The following NSG1 variants were observed in gnomAD, a reference collection of about 807,000 sequenced individuals.
The protein encoded by NSG1 is neuronal vesicle trafficking-associated protein 1.
NSG1 carries 9 observed loss-of-function variants against 19.3 expected under a neutral mutation model. The observed-to-expected ratio is 0.47, with a 90% CI of 0.28 to 0.81. The LOEUF is 0.81. Ranked by LOEUF, NSG1 falls within the 40% of genes least tolerant of loss-of-function variation. The pLI is 0.11. For missense variants in NSG1, 236 were observed against 242.4 expected (o/e 0.97, Z 0.18); for synonymous variants, 104 against 107.0 (o/e 0.97, Z 0.17).
At chr4:4,416,126 T>C in intron 4 of NSG1, 1 of 702,290 alleles carries the variant, frequency 1.4e-6, no homozygotes, top group South Asian at 1.5e-5. Context: ...AGCAACACGG[T>C]GGTGTGACTC....
At chr4:4,402,384 T>A (rs1485621192) in intron 3 of NSG1, among the ~76,000 whole-genome samples, 1 of 90,716 alleles carries the variant, frequency 1.1e-5, no homozygotes, top group Non-Finnish European at 1.9e-5. Flanking sequence ...TTTTTTTTTT[T>A]TTTTTTTTTT....
intron 3 of NSG1, among the ~76,000 whole-genome samples, chr4:4,403,004 G>A (rs116045379): frequency 4.6e-5 from 7 of 152,350 alleles, no homozygotes; most frequent in South Asian, 2.1e-4. Context: ...CGTTCTGTTC[G>A]ATGCGTAGAC....
chr4:4,416,736 G>A (rs1032642868), intron 4 of NSG1, among the ~76,000 whole-genome samples: 1 of 151,560 alleles, frequency 6.6e-6, no homozygotes, highest in African/African-American at 2.4e-5. Context: ...GGCTCTGTGT[G>A]CCTCTTCTGA....
At chr4:4,390,673 T>G (rs1300800584) in intron 2 of NSG1, among the ~76,000 whole-genome samples, 1 of 152,194 alleles carries the variant, frequency 6.6e-6, no homozygotes, top group Non-Finnish European at 1.5e-5. Flanking sequence ...GACCCTGCTC[T>G]TGAACACCTC....
chr4:4,388,987 C>T (rs555124071), intron 2 of NSG1, among the ~76,000 whole-genome samples: 31 of 152,344 alleles, frequency 2.0e-4, no homozygotes, highest in Non-Finnish European at 4.1e-4. Context: ...GCCTCAGCTT[C>T]CACTCCACCC....
chr4:4,397,567 C>T (rs1723318558), intron 3 of NSG1, among the ~76,000 whole-genome samples: 1 of 152,210 alleles, frequency 6.6e-6, no homozygotes, highest in African/African-American at 2.4e-5. Context: ...GCCGCTCACG[C>T]TTCCCTGTCC....
rs1256024403 is a variant in NSG1, at chr4:4,417,430, G to C, written c.553G>C (p.Ala185Pro). 5 of 1,614,100 alleles carry C rather than the reference G, an allele frequency of 3.1e-6. No individual in the cohort carries two copies. The highest frequency in any genetic ancestry group is 2.7e-5 in the African/African-American group (2 of 74,934). ...EQETEAAEKS[A>P] The stretch of plus-strand genomic sequence containing the variant: ...GGAGACTGAAGCGGCTGAGAAGTCA[G>C]CTTAGCGGGATGGGCAAGTTCCTTA... The change falls in exon 5 of 5, where the codon GCT becomes CCT. Residue 185 changes from alanine to proline, a missense_variant. By Grantham distance (27) the Ala-to-Pro change is conservative. Transcript: ENST00000621129.
chr4:4,404,213 A>T (rs952932798), intron 3 of NSG1, among the ~76,000 whole-genome samples: 1 of 152,206 alleles, frequency 6.6e-6, no homozygotes, highest in African/African-American at 2.4e-5. Context: ...CTTTTCAATG[A>T]CAAGGCGTTT....
intron 4 of NSG1, among the ~76,000 whole-genome samples, chr4:4,416,523 C>T (rs1437693414): frequency 6.6e-6 from 1 of 152,182 alleles, no homozygotes; most frequent in East Asian, 1.9e-4. Context: ...GCTGCAGCCA[C>T]AGCTGCCAAA....
intron 4 of NSG1, chr4:4,416,264 G>C: frequency 1.4e-6 from 1 of 700,446 alleles, no homozygotes; most frequent in Non-Finnish European, 2.6e-6. Context: ...TCCTGCCAGT[G>C]GCAGCCCCTG....
intron 3 of NSG1, among the ~76,000 whole-genome samples, chr4:4,392,513 C>A (rs573696328): frequency 1.4e-3 from 210 of 152,240 alleles, no homozygotes; most frequent in Admixed American, 4.4e-3. Flanking sequence ...TTCCAGAGCC[C>A]CTGTGGGTAT....
chr4:4,410,728 C>T (rs759474606), intron 4 of NSG1, among the ~76,000 whole-genome samples: 39 of 152,138 alleles, frequency 2.6e-4, no homozygotes, highest in Admixed American at 2.6e-4. Context: ...TGAGTGAATG[C>T]GAAGGCCGAG....
At chr4:4,413,054 C>A (rs1372485069) in intron 4 of NSG1, among the ~76,000 whole-genome samples, 1 of 150,350 alleles carries the variant, frequency 6.7e-6, no homozygotes, top group East Asian at 1.9e-4. Context: ...AGCTCTTCCT[C>A]CCTTGGGCAG....
intron 4 of NSG1, 135 bp from the exon 5 acceptor site, chr4:4,417,100 C>A: frequency 1.4e-6 from 1 of 706,812 alleles, no homozygotes; most frequent in African/African-American, 1.8e-5. Context: ...AAGATCCATG[C>A]CCGTTTTTGC....
intron 3 of NSG1, among the ~76,000 whole-genome samples, chr4:4,400,497 G>T (rs1254529265): frequency 6.6e-6 from 1 of 152,190 alleles, no homozygotes; most frequent in African/African-American, 2.4e-5. Flanking sequence ...AGACCTTTGG[G>T]TTGCTGACAG....
intron 4 of NSG1, among the ~76,000 whole-genome samples, chr4:4,412,303 C>T (rs1046081652): frequency 1.3e-5 from 2 of 151,690 alleles, no homozygotes; most frequent in South Asian, 4.2e-4. Flanking sequence ...GGAGATGAAG[C>T]CCCAGTCCTG....
chr4:4,387,561 C>CCGGGGGGGGGGTG, intron 1 of NSG1, 43 bp from the exon 2 acceptor site: 8 of 1,141,976 alleles, frequency 7.0e-6, no homozygotes, highest in East Asian at 2.7e-5. Context: ...CGCCCCGCCC[C>CCGGGGGGGGGGTG]GGGTCTTGCT....
At chr4:4,387,561 C>CCGGGGGTGGGTGTGGG in intron 1 of NSG1, 43 bp from the exon 2 acceptor site, 3 of 1,141,992 alleles carry the variant, frequency 2.6e-6, no homozygotes, top group Admixed American at 2.3e-5. Context: ...CGCCCCGCCC[C>CCGGGGGTGGGTGTGGG]GGGTCTTGCT....
intron 3 of NSG1, among the ~76,000 whole-genome samples, chr4:4,404,966 G>A (rs538404944): frequency 6.6e-6 from 1 of 152,058 alleles, no homozygotes; most frequent in Non-Finnish European, 1.5e-5. Context: ...GAACAAGTAT[G>A]GGGGAGGGGA....
Sources: allele counts gnomAD v4.1 joint callset (sites outside exome capture counted in the v4.1 genomes callset), GRCh38; gene constraint gnomAD v4.1.1; transcripts MANE v1.5; gene names NCBI Gene and HGNC (gene_info 2026-07-23, HGNC 2026-07-21).